Variants in SHISA9 observed in about 807,000 individuals in gnomAD.
SHISA9 encodes shisa family member 9, also known as protein shisa-9.
Under a neutral mutation model 38.0 loss-of-function variants are expected in SHISA9, and 13 were observed. The ratio of observed to expected loss-of-function variants is 0.34; its 90% CI spans 0.22 to 0.54. The LOEUF (loss-of-function observed/expected upper bound fraction) is 0.54, where lower values mean the gene tolerates loss of function less well. Among genes scored for constraint, SHISA9 ranks in the 20% least tolerant of loss-of-function variants. SHISA9 has a pLI of 0.91. For synonymous variants in SHISA9, 275 were observed against 242.0 expected, an observed-to-expected ratio of 1.14 and a Z score of -1.27; for missense variants, 538 against 575.8, an observed-to-expected ratio of 0.93 and a Z score of 0.67.
the SHISA9 span, among the ~76,000 whole-genome samples, chr16:13,498,119 T>C: frequency 2.0e-5 from 3 of 152,050 alleles, no homozygotes; most frequent in Non-Finnish European, 4.4e-5. Flanking sequence ...TATGAATCCA[T>C]GGGAAAATAT....
At chr16:13,128,634 A>G (rs1178420212) in intron 2 of SHISA9, among the ~76,000 whole-genome samples, 1 of 152,166 alleles carries the variant, frequency 6.6e-6, no homozygotes, top group African/African-American at 2.4e-5. Context: ...TAACATTTTT[A>G]TTCATGCCCA....
intron 2 of SHISA9, among the ~76,000 whole-genome samples, chr16:12,917,789 C>T (rs2071278111): frequency 6.6e-6 from 1 of 152,170 alleles, no homozygotes; most frequent in Admixed American, 6.5e-5. Context: ...AGAAACAATT[C>T]TAATGATGCA....
intron 2 of SHISA9, among the ~76,000 whole-genome samples, chr16:13,168,543 C>T (rs891155564): frequency 6.6e-6 from 1 of 152,190 alleles, no homozygotes; most frequent in African/African-American, 2.4e-5. Context: ...CCAGCTGTAG[C>T]AAACTGCAAA....
chr16:13,168,210 C>T (rs1482374039), intron 2 of SHISA9, among the ~76,000 whole-genome samples: 1 of 152,226 alleles, frequency 6.6e-6, no homozygotes, highest in African/African-American at 2.4e-5. Flanking sequence ...GTTGATTACC[C>T]ATCTGTCCTA....
At chr16:13,321,661 C>T in the SHISA9 span, among the ~76,000 whole-genome samples, 3 of 152,148 alleles carry the variant, frequency 2.0e-5, no homozygotes, top group African/African-American at 7.2e-5. Flanking sequence ...GTACATGTTT[C>T]CTTTTTCCTT....
rs553776272 is a variant in SHISA9 at position 13,003,731 on chromosome 16, G to A, written c.691+86916G>A. ...AGATTAGCCGGGCATGGTGGTGTGTGCCTGTAATCCCAGCTACTCAGGAGG... is the reference window on the plus strand; with the variant it reads ...AGATTAGCCGGGCATGGTGGTGTGTACCTGTAATCCCAGCTACTCAGGAGG... On this transcript the variant is annotated intron_variant, in intron 2 of 4. Transcript: ENST00000558583. 5.9e-5 allele frequency among the ~76,000 whole-genome samples: 9 copies of A among 152,270 alleles called. No individual in the cohort carries two copies. The South Asian group carries it at 1.9e-3, about 32-fold the overall frequency.
At chr16:12,914,662 C>T (rs1057480109) in intron 1 of SHISA9, among the ~76,000 whole-genome samples, 5 of 152,154 alleles carry the variant, frequency 3.3e-5, no homozygotes, top group African/African-American at 1.2e-4. Flanking sequence ...TAATCTCTGT[C>T]TCACAGCCGA....
chr16:13,047,547 G>A (rs1178738913), intron 2 of SHISA9, among the ~76,000 whole-genome samples: 1 of 152,164 alleles, frequency 6.6e-6, no homozygotes, highest in East Asian at 1.9e-4. Context: ...AGGACCTGGG[G>A]ATTGTCTTTT....
At chr16:12,904,337 C>T (rs1214402402) in intron 1 of SHISA9, among the ~76,000 whole-genome samples, 9 of 152,188 alleles carry the variant, frequency 5.9e-5, no homozygotes, top group African/African-American at 2.2e-4. Flanking sequence ...CGCGAACCAG[C>T]TCTTAAAAGA....
At chr16:13,247,928 G>A in the SHISA9 span, among the ~76,000 whole-genome samples, 1 of 152,300 alleles carries the variant, frequency 6.6e-6, no homozygotes, top group African/African-American at 2.4e-5. Flanking sequence ...AGACTCTAAA[G>A]AGGCAATTTA....
intron 2 of SHISA9, among the ~76,000 whole-genome samples, chr16:12,933,301 C>CTT (rs927534304): frequency 6.8e-6 from 1 of 146,746 alleles, no homozygotes; most frequent in African/African-American, 2.5e-5. Context: ...TCTTTGTTGT[C>CTT]TTTTTTTTTT....
the SHISA9 span, among the ~76,000 whole-genome samples, chr16:13,272,009 G>A: frequency 6.6e-6 from 1 of 151,636 alleles, no homozygotes; most frequent in Non-Finnish European, 1.5e-5. Flanking sequence ...AACCCAGGAA[G>A]GAGAGTTTGC....
At chr16:12,913,245 G>C (rs2071209942) in intron 1 of SHISA9, among the ~76,000 whole-genome samples, 1 of 152,130 alleles carries the variant, frequency 6.6e-6, no homozygotes, top group Non-Finnish European at 1.5e-5. Flanking sequence ...TGCCCAGCCT[G>C]GAGTGCAGCA....
chr16:13,366,118 G>A, the SHISA9 span, among the ~76,000 whole-genome samples: 1 of 152,160 alleles, frequency 6.6e-6, no homozygotes, highest in Admixed American at 6.5e-5. Flanking sequence ...CACCATTCAA[G>A]GGCCATGTGT....
At chr16:12,982,844 A>G (rs1433173993) in intron 2 of SHISA9, among the ~76,000 whole-genome samples, 1 of 152,214 alleles carries the variant, frequency 6.6e-6, no homozygotes, top group Non-Finnish European at 1.5e-5. Flanking sequence ...CATTGCATAA[A>G]TAAACGAGGA....
chr16:12,903,257 C>A (rs80345602), intron 1 of SHISA9, among the ~76,000 whole-genome samples: 3 of 152,300 alleles, frequency 2.0e-5, no homozygotes, highest in Admixed American at 1.3e-4. Context: ...CGCCCCTTTA[C>A]CCACCTCATC....
At chr16:13,464,624 G>A in the SHISA9 span, among the ~76,000 whole-genome samples, 1 of 152,084 alleles carries the variant, frequency 6.6e-6, no homozygotes, top group Non-Finnish European at 1.5e-5. Flanking sequence ...CCACTGATTT[G>A]CTTTCCCTGA....
intron 2 of SHISA9, among the ~76,000 whole-genome samples, chr16:13,019,214 G>T (rs1243119930): frequency 6.6e-6 from 1 of 152,092 alleles, no homozygotes; most frequent in Admixed American, 6.5e-5. Context: ...TGGCCAGGCT[G>T]GTCTTGAACT....
Position 12,941,689 on chromosome 16 carries a change from C to G in SHISA9, c.691+24874C>G, listed in dbSNP as rs532265329. Among the ~76,000 whole-genome samples, 74 of 152,238 alleles carry G rather than the reference C, an allele frequency of 4.9e-4. 1 individual carries two copies. Among genetic ancestry groups the G allele is most frequent in the African/African-American group, 1.6e-3 (66 of 41,552 alleles). On this transcript the variant is annotated intron_variant, in intron 2 of 4. Transcript: ENST00000558583. ...CCAGCATGGTGAAACCCCATCTCTA[C>G]TAAAAATACAAATTAGCTGGGCCTG...
Sources: allele counts gnomAD v4.1 joint callset (sites outside exome capture counted in the v4.1 genomes callset), GRCh38; gene constraint gnomAD v4.1.1; transcripts MANE v1.5; gene names NCBI Gene and HGNC (gene_info 2026-07-23, HGNC 2026-07-21).